The following PPM1A variants were observed in gnomAD, a reference collection of about 807,000 sequenced individuals.
The protein encoded by PPM1A is protein phosphatase 1A.
In PPM1A, 7 loss-of-function variants were observed where a neutral mutation model predicts 35.0. That is an observed-to-expected ratio of 0.20 (90% CI 0.11 to 0.38). The LOEUF is 0.38. Among genes scored for constraint, PPM1A ranks in the 10% least tolerant of loss-of-function variants. The pLI is 1.00. For missense variants in PPM1A, 239 were observed against 467.8 expected, an observed-to-expected ratio of 0.51 and a Z score of 4.51; for synonymous variants, 153 against 167.3, an observed-to-expected ratio of 0.91 and a Z score of 0.66.
upstream of PPM1A, chr14:60,249,160 G>A (rs1344347961): frequency 2.5e-5 from 23 of 905,594 alleles, no homozygotes; most frequent in South Asian, 2.4e-4. The surrounding 1 kb of genome is among the most constrained non-coding windows in gnomAD (Gnocchi z 4.5). Flanking sequence ...GCGGGGCGGG[G>A]CGAGCGGAGG....
At chr14:60,290,301 C>T (rs1388487636) in intron 4 of PPM1A, among the ~76,000 whole-genome samples, 1 of 152,132 alleles carries the variant, frequency 6.6e-6, no homozygotes, top group Non-Finnish European at 1.5e-5. Context: ...ACTTAACACC[C>T]TGAAAATTCC....
intron 1 of PPM1A, among the ~76,000 whole-genome samples, chr14:60,269,350 T>C (rs1884793871): frequency 6.6e-6 from 1 of 152,232 alleles, no homozygotes; most frequent in South Asian, 2.1e-4. Context: ...ACTTTAGTGC[T>C]GGCATATTTG....
Position 60,283,648 on chromosome 14 carries a change from T to A in PPM1A, c.834+111T>A. The A allele has an allele frequency of 9.9e-7, 1 of 1,007,312 alleles. No homozygotes were observed. Among genetic ancestry groups the A allele is most frequent in the Non-Finnish European group, 1.4e-6 (1 of 699,064 alleles). The allele number at this position is 1,007,312 out of a possible 1,614,324, so 62.4% of individuals were successfully genotyped here. On this transcript the variant is annotated intron_variant, in intron 2 of 5. Transcript: ENST00000395076. The surrounding 1 kb of genome is among the most constrained non-coding windows in gnomAD (Gnocchi z 6.3). ...TTCTGAAACCAGTTTTTGGCACAAC[T>A]GTAGGATACTGTTCACCAATTATGA... is the stretch of plus-strand genomic sequence containing the variant.
chr14:60,292,643 G>T lies in PPM1A; in HGVS notation c.*161G>T. 3 of 410,846 alleles carry T rather than the reference G, an allele frequency of 7.3e-6. No individual in the cohort carries two copies. Among genetic ancestry groups the T allele is most frequent in the Non-Finnish European group, 1.3e-5 (3 of 239,278 alleles). 25.5% of individuals were successfully genotyped at this position (410,846 alleles called of 1,614,324 possible). On this transcript the variant is annotated 3_prime_UTR_variant, in exon 6 of 6. Coordinates refer to ENST00000395076, the MANE Select transcript of PPM1A (RefSeq NM_021003.5). The surrounding 1 kb of genome is among the most constrained non-coding windows in gnomAD (Gnocchi z 4.2). Reference sequence around the variant, plus strand: ...CTTCAGCAGTACAACAGCTAGCCCAGAACTGATTTTTTTTTTTTTTTTTGT... The same window carrying T: ...CTTCAGCAGTACAACAGCTAGCCCATAACTGATTTTTTTTTTTTTTTTTGT...
chr14:60,247,367 C>G (rs1428329495), upstream of PPM1A, among the ~76,000 whole-genome samples: 1 of 152,034 alleles, frequency 6.6e-6, no homozygotes, highest in East Asian at 1.9e-4. Flanking sequence ...CAGTGGCTCA[C>G]GACTGTAATC....
At chr14:60,253,669 G>A (rs1017507288) in intron 1 of PPM1A, among the ~76,000 whole-genome samples, 1 of 152,172 alleles carries the variant, frequency 6.6e-6, no homozygotes, top group African/African-American at 2.4e-5. Context: ...AAGAAATTAA[G>A]TTCATTTTCT....
At chr14:60,284,637 G>A (rs370283578) in intron 2 of PPM1A, among the ~76,000 whole-genome samples, 28 of 136,542 alleles carry the variant, frequency 2.1e-4, no homozygotes, top group East Asian at 1.0e-3. Flanking sequence ...GCGAGACTCC[G>A]TCTCAAAAAA....
intron 1 of PPM1A, among the ~76,000 whole-genome samples, chr14:60,262,386 C>A (rs1209708990): frequency 6.6e-6 from 1 of 152,102 alleles, no homozygotes; most frequent in African/African-American, 2.4e-5. Context: ...CTTTCTAGAA[C>A]CGCAAACTAA....
At chr14:60,250,398 G>A (rs980554337) in intron 1 of PPM1A, 4 of 984,026 alleles carry the variant, frequency 4.1e-6, no homozygotes, top group Middle Eastern at 5.2e-4. Flanking sequence ...TAAACTTGGA[G>A]CCTTTTCTTG....
At chr14:60,266,772 CTA>C (rs1884432757) in intron 1 of PPM1A, among the ~76,000 whole-genome samples, 1 of 152,166 alleles carries the variant, frequency 6.6e-6, no homozygotes, top group East Asian at 1.9e-4. Flanking sequence ...AATGTTTTGG[CTA>C]TTCACATTTA....
At chr14:60,281,595 C>T (rs1886415049) in intron 1 of PPM1A, among the ~76,000 whole-genome samples, 1 of 152,170 alleles carries the variant, frequency 6.6e-6, no homozygotes, top group Admixed American at 6.5e-5. Context: ...ATCATGCTAT[C>T]CTTCTTTTGG....
intron 3 of PPM1A, 64 bp downstream of exon 3, chr14:60,285,805 T>C: frequency 6.3e-7 from 1 of 1,584,706 alleles, no homozygotes; most frequent in Non-Finnish European, 8.6e-7. Flanking sequence ...AATCAAACTT[T>C]AACATTTTAG....
Position 60,259,243 on chromosome 14 carries a change from AT to A in PPM1A, c.-21+9573del, listed in dbSNP as rs753697103. 2.8e-4 allele frequency among the ~76,000 whole-genome samples: 43 copies of A among 152,090 alleles called. 1 individual carries two copies. In the East Asian group the frequency reaches 4.2e-3, roughly 15 times the overall value. ...CTGTTAGAGGCAAATGCTTTTGGTC[AT>A]TTTTTTCAGCAGGGACATTTCATAT... On this transcript the variant is annotated intron_variant, in intron 1 of 5. Transcript: ENST00000395076.
At chr14:60,275,335 G>C (rs1471776662) in intron 1 of PPM1A, among the ~76,000 whole-genome samples, 1 of 151,872 alleles carries the variant, frequency 6.6e-6, no homozygotes, top group Admixed American at 6.6e-5. Flanking sequence ...CCTTACTGAT[G>C]AACCAGCTTT....
chr14:60,284,833 C>T (rs934769465), intron 2 of PPM1A, among the ~76,000 whole-genome samples: 3 of 151,488 alleles, frequency 2.0e-5, no homozygotes, highest in Non-Finnish European at 4.4e-5. Flanking sequence ...AGCATTAAGA[C>T]TAGAAAATCA....
chr14:60,252,239 A>G (rs1253152998), intron 1 of PPM1A, among the ~76,000 whole-genome samples: 1 of 152,210 alleles, frequency 6.6e-6, no homozygotes, highest in Non-Finnish European at 1.5e-5. Flanking sequence ...GGAACTTGTT[A>G]TCTCTGAAAT....
intron 1 of PPM1A, among the ~76,000 whole-genome samples, chr14:60,255,726 A>G (rs1032803902): frequency 6.6e-6 from 1 of 152,102 alleles, no homozygotes; most frequent in Non-Finnish European, 1.5e-5. Flanking sequence ...CCTGAATGTT[A>G]TTTTTTCTGA....
At chr14:60,272,931 T>C (rs993151189) in intron 1 of PPM1A, among the ~76,000 whole-genome samples, 6 of 152,128 alleles carry the variant, frequency 3.9e-5, no homozygotes, top group Admixed American at 6.5e-5. Flanking sequence ...GAACCTTGCA[T>C]TATAGTATTT....
Position 60,282,694 on chromosome 14 carries a change from T to A in PPM1A, c.-10T>A, listed in dbSNP as rs1284830877. 1 of 1,613,782 alleles carries A rather than the reference T, an allele frequency of 6.2e-7. No homozygotes were observed. On this transcript the variant is annotated 5_prime_UTR_variant, in exon 2 of 6. Transcript: ENST00000395076. This position sits in a 1 kb window ranked among gnomAD's most constrained non-coding sequence, Gnocchi z 5.1. Reference sequence around the variant, plus strand: ...TCTCTTCCTTTGCAGACCTAGAGGATCAAGACATAATGGGAGCATTTTTAG... The same window carrying A: ...TCTCTTCCTTTGCAGACCTAGAGGAACAAGACATAATGGGAGCATTTTTAG...
Sources: gnomAD v4.1 joint callset for allele counts (sites outside exome capture counted in the v4.1 genomes callset) on GRCh38, gnomAD v4.1.1 for gene constraint, Gnocchi (gnomAD v3.1) non-coding constraint, MANE v1.5 for transcripts, NCBI Gene and HGNC (gene_info 2026-07-23, HGNC 2026-07-21) for gene names.